The following ST7L variants were observed in gnomAD, a reference collection of about 807,000 sequenced individuals.
ST7L encodes suppressor of tumorigenicity 7 protein-like.
ST7L carries 57 observed loss-of-function variants against 72.5 expected under a neutral mutation model. The observed-to-expected ratio is 0.79, with a 90% CI of 0.64 to 0.98. The LOEUF is 0.98. Ranked by LOEUF, ST7L falls within the 50% of genes least tolerant of loss-of-function variation. The pLI is 0.00. For missense variants in ST7L, 576 were observed against 672.2 expected (o/e 0.86, Z 1.58); for synonymous variants, 221 against 240.9 (o/e 0.92, Z 0.77).
downstream of ST7L, chr1:112,523,114 C>G (rs1331709865): frequency 1.3e-5 from 2 of 152,192 alleles, no homozygotes; most frequent in Non-Finnish European, 2.9e-5. Context: ...TGGCATATGC[C>G]TTCCATAGGA....
intron 6 of ST7L, among the ~76,000 whole-genome samples, chr1:112,587,474 G>A (rs144495652): frequency 0.02 from 3,083 of 152,210 alleles, 107 homozygotes; most frequent in African/African-American, 0.07. Context: ...ATGGTGGCAC[G>A]TGCCTGTATT....
At chr1:112,542,555 G>A (rs545260275) in intron 13 of ST7L, among the ~76,000 whole-genome samples, 2 of 151,936 alleles carry the variant, frequency 1.3e-5, no homozygotes, top group East Asian at 1.9e-4. Flanking sequence ...CCAGGCATGC[G>A]ACACTAACCT....
At chr1:112,534,377 T>C (rs1654854071) in intron 14 of ST7L, among the ~76,000 whole-genome samples, 1 of 152,240 alleles carries the variant, frequency 6.6e-6, no homozygotes, top group Admixed American at 6.5e-5. Flanking sequence ...GGCACATCAC[T>C]TAACTTTGAT....
chr1:112,568,625 G>A (rs1441951810), intron 11 of ST7L, among the ~76,000 whole-genome samples: 1 of 150,912 alleles, frequency 6.6e-6, no homozygotes, highest in African/African-American at 2.4e-5. Flanking sequence ...ATGAGCCACT[G>A]CGCCTGGCCA....
At chr1:112,580,067 C>T (rs955167920) in intron 9 of ST7L, among the ~76,000 whole-genome samples, 1 of 152,230 alleles carries the variant, frequency 6.6e-6, no homozygotes, top group Non-Finnish European at 1.5e-5. Context: ...AAGTATAACA[C>T]ATTTCAAACT....
rs1460024142 is a variant in ST7L, at chr1:112,581,515, T to C, written c.1069+477A>G. ...CCAGGTTCAAGTGATCCTCCCACCTTAGCCTCCCAAGTAGCTGGGACTACA... is the reference window on the plus strand; with the variant it reads ...CCAGGTTCAAGTGATCCTCCCACCTCAGCCTCCCAAGTAGCTGGGACTACA... On this transcript the variant is annotated intron_variant, in intron 9 of 14. Coordinates refer to ENST00000358039, the MANE Select transcript of ST7L (RefSeq NM_017744.5). Among the ~76,000 whole-genome samples the C allele has an allele frequency of 2.0e-5, 3 of 151,538 alleles. No individual in the cohort carries two copies. In the East Asian group the frequency reaches 5.9e-4, roughly 30 times the overall value.
At chr1:112,600,112 C>T (rs1274441562) in intron 4 of ST7L, among the ~76,000 whole-genome samples, 1 of 152,158 alleles carries the variant, frequency 6.6e-6, no homozygotes, top group Non-Finnish European at 1.5e-5. Context: ...GTCATCTCAG[C>T]TCACTGCAAC....
At chr1:112,600,327 T>C (rs936431888) in intron 4 of ST7L, among the ~76,000 whole-genome samples, 2 of 152,256 alleles carry the variant, frequency 1.3e-5, no homozygotes, top group South Asian at 4.1e-4. Flanking sequence ...CATGAGCCAC[T>C]GCACCTGGCC....
In ST7L at chr1:112,618,808, A is replaced by G. The variant is rs188563183; in HGVS notation, c.205+101T>C. On this transcript the variant is annotated intron_variant, in intron 1 of 14. Transcript: ENST00000358039. ...CTTGATCGCTCATCATCGACTCCTC[A>G]GAGGCCCTCTAGGACTACCGAGAAT... The G allele has an allele frequency of 1.9e-3, 2,803 of 1,479,294 alleles. 2 individuals carry two copies. Among genetic ancestry groups the G allele is most frequent in the Non-Finnish European group, 2.3e-3 (2,548 of 1,109,734 alleles). The allele number at this position is 1,479,294 out of a possible 1,614,324, so 91.6% of individuals were successfully genotyped here.
At chr1:112,565,595 G>A (rs1329880663) in intron 11 of ST7L, among the ~76,000 whole-genome samples, 1 of 152,036 alleles carries the variant, frequency 6.6e-6, no homozygotes, top group Non-Finnish European at 1.5e-5. Flanking sequence ...ATTCAAATTA[G>A]TTAATTCCTA....
chr1:112,619,018 T>A lies in ST7L; in HGVS notation c.96A>T (p.Arg32=). 1 of 1,613,608 alleles carries A rather than the reference T, an allele frequency of 6.2e-7. No homozygotes were observed. Among genetic ancestry groups the A allele is most frequent in the Non-Finnish European group, 8.5e-7 (1 of 1,179,848 alleles). The change falls in exon 1 of 15, where the codon CGA becomes CGT. Residue 32 remains arginine (R), a synonymous_variant. Transcript: ENST00000358039. Reference sequence around the variant, plus strand: ...CAGTCCCCGCCAGCCCGGCCCGCAGTCGCTCCCTCCAGCCTAGCGTCGGGT... The same window carrying A: ...CAGTCCCCGCCAGCCCGGCCCGCAGACGCTCCCTCCAGCCTAGCGTCGGGT... ...GLNPTLGWRE[R]LRAGLAGTGA... is the part of the protein sequence containing the mutation.
intron 14 of ST7L, among the ~76,000 whole-genome samples, chr1:112,538,806 T>C (rs1368120703): frequency 6.6e-6 from 1 of 152,176 alleles, no homozygotes; most frequent in Admixed American, 6.5e-5. Context: ...ACAATAAAGG[T>C]AGCAACAACA....
chr1:112,613,882 C>G (rs1386478255), intron 2 of ST7L, among the ~76,000 whole-genome samples: 1 of 152,030 alleles, frequency 6.6e-6, no homozygotes, highest in African/African-American at 2.4e-5. Context: ...AATGCGCCAC[C>G]ACAACGCGCT....
intron 3 of ST7L, 156 bp downstream of exon 3, chr1:112,610,685 A>G (rs1668939422): frequency 2.2e-6 from 2 of 901,926 alleles, no homozygotes; most frequent in Non-Finnish European, 1.6e-6. Flanking sequence ...TCACCTCCCA[A>G]AGACCCTACC....
intron 2 of ST7L, among the ~76,000 whole-genome samples, chr1:112,611,969 C>CAA (rs146893029): frequency 3.1e-3 from 217 of 71,144 alleles, no homozygotes; most frequent in Admixed American, 3.7e-3. Context: ...GACCCTGTCT[C>CAA]AAAAAAAAAA....
At chr1:112,569,587 A>G (rs914370168) in intron 11 of ST7L, among the ~76,000 whole-genome samples, 2 of 152,238 alleles carry the variant, frequency 1.3e-5, no homozygotes, top group Non-Finnish European at 2.9e-5. Flanking sequence ...TGATTTTACA[A>G]CCTTGTGAAT....
chr1:112,567,343 T>C (rs1306089261), intron 11 of ST7L, among the ~76,000 whole-genome samples: 1 of 152,196 alleles, frequency 6.6e-6, no homozygotes, highest in Non-Finnish European at 1.5e-5. Flanking sequence ...TGTTTTTTTA[T>C]ATGTATATAT....
At chr1:112,574,716 G>A (rs1662819634) in intron 11 of ST7L, among the ~76,000 whole-genome samples, 2 of 151,718 alleles carry the variant, frequency 1.3e-5, no homozygotes, top group African/African-American at 2.4e-5. Context: ...CATAAAGGGA[G>A]GAAATAAACA....
chr1:112,520,771 G>T, downstream of ST7L: 1 of 518,576 alleles, frequency 1.9e-6, no homozygotes, highest in Admixed American at 3.3e-5. Context: ...GAGATAGGGG[G>T]TCTTTAGAGT....
Sources: allele counts gnomAD v4.1 joint callset (sites outside exome capture counted in the v4.1 genomes callset), GRCh38; gene constraint gnomAD v4.1.1; transcripts MANE v1.5; gene names NCBI Gene and HGNC (gene_info 2026-07-23, HGNC 2026-07-21).